The following MINDY1 variants were observed in gnomAD, a reference collection of about 807,000 sequenced individuals.
The protein encoded by MINDY1 is ubiquitin carboxyl-terminal hydrolase MINDY-1.
Under a neutral mutation model 53.6 loss-of-function variants are expected in MINDY1, and 50 were observed. The ratio of observed to expected loss-of-function variants is 0.93; its 90% confidence interval spans 0.74 to 1.18. The LOEUF is 1.18. Among genes scored for constraint, MINDY1 ranks in the 50% most tolerant of loss-of-function variants. The probability of loss-of-function intolerance (pLI) is 0.00; values close to 1 mark genes in which losing one functional copy is unlikely to be tolerated. For missense variants in MINDY1, 484 were observed against 578.6 expected (o/e 0.84, Z 1.68); for synonymous variants, 231 against 234.7 (o/e 0.98, Z 0.14).
At chr1:150,998,577 C>T (rs1672143457) in intron 7 of MINDY1, among the ~76,000 whole-genome samples, 1 of 152,158 alleles carries the variant, frequency 6.6e-6, no homozygotes, top group Admixed American at 6.5e-5. Flanking sequence ...AGGATGGCCT[C>T]GATCTCCTGA....
chr1:151,002,528 G>A lies in MINDY1; in HGVS notation c.90C>T (p.Gly30=). Residue 30 remains glycine, a synonymous_variant, in exon 2 of 10, where the codon GGC becomes GGT. Transcript: ENST00000683666. The surrounding 1 kb of genome is among the most constrained non-coding windows in gnomAD (Gnocchi z 4.1). ...CTGTGTCCTGAGGGTGCTCATCTGGGCCTGCCAGAACCTCATGGTTTTCAG... is the reference window on the plus strand; with the variant it reads ...CTGTGTCCTGAGGGTGCTCATCTGGACCTGCCAGAACCTCATGGTTTTCAG... The part of the protein sequence containing the change: ...VIPENHEVLA[G]PDEHPQDTDA... 2 of 1,614,180 alleles carry A rather than the reference G, an allele frequency of 1.2e-6. No homozygotes were observed. Among genetic ancestry groups the A allele is most frequent in the Non-Finnish European group, 1.7e-6 (2 of 1,180,026 alleles).
rs757324132 is a variant in MINDY1 at position 151,002,485 on chromosome 1, C to T, written c.133G>A (p.Gly45Arg). Residue 45 changes from glycine to arginine, a missense_variant, in exon 2 of 10, where the codon GGG (glycine) becomes AGG (arginine). Transcript: ENST00000683666. This position sits in a 1 kb window ranked among gnomAD's most constrained non-coding sequence, Gnocchi z 4.1. ...PQDTDARDAD[G>R]EAREREPADQ... ...GCTGGCTCCCGTTCTCTAGCCTCCC[C>T]ATCAGCATCTCTTGCATCTGTGTCC... 6.2e-7 allele frequency: 1 copy of T among 1,614,098 alleles called. No homozygotes were observed.
chr1:150,998,558 G>A (rs587742699), intron 7 of MINDY1, among the ~76,000 whole-genome samples: 17 of 152,260 alleles, frequency 1.1e-4, no homozygotes, highest in Middle Eastern at 3.4e-3. Context: ...GGGTTTCACC[G>A]TGTTAGCCAG....
In MINDY1 at chr1:150,999,997, A is replaced by T; in HGVS notation, c.736-33T>A. ...GGTAGTGGGATGTGGGATACCAAAA[A>T]AATTGGGATTTTTTTTTCTTTTTTA... On this transcript the variant is annotated intron_variant, in intron 5 of 9. Coordinates refer to ENST00000683666, the MANE Select transcript of MINDY1 (RefSeq NM_001376665.1). The surrounding 1 kb of genome is among the most constrained non-coding windows in gnomAD (Gnocchi z 4.4). The T allele has an allele frequency of 1.3e-6, 2 of 1,552,678 alleles. No homozygotes were observed. The highest frequency in any genetic ancestry group is 1.8e-6 in the Non-Finnish European group (2 of 1,127,744).
chr1:150,998,578 G>A (rs1038786197), intron 7 of MINDY1, among the ~76,000 whole-genome samples: 4 of 152,128 alleles, frequency 2.6e-5, no homozygotes, highest in African/African-American at 7.2e-5. Context: ...GGATGGCCTC[G>A]ATCTCCTGAC....
At chr1:151,007,172 T>C (rs960060093), upstream of MINDY1, among the ~76,000 whole-genome samples, 1 of 152,170 alleles carries the variant, frequency 6.6e-6, no homozygotes, top group African/African-American at 2.4e-5. Context: ...GAAATGAAAC[T>C]GGTTGGGTTG....
chr1:151,002,570 A>G lies in MINDY1; in HGVS notation c.48T>C (p.Thr16=). 6.2e-7 allele frequency: 1 copy of G among 1,614,214 alleles called. No individual in the cohort carries two copies. The highest frequency in any genetic ancestry group is 8.5e-7 in the Non-Finnish European group (1 of 1,180,030). ...PEDPAPGKAG[T]AEAVIPENHE... ...GGTTTTCAGGGATGACTGCTTCTGC[A>G]GTCCCGGCCTTACCAGGGGCTGGAT... The change falls in exon 2 of 10, where the codon ACT becomes ACC. Residue 16 remains threonine (T), a synonymous_variant. Coordinates refer to ENST00000683666, the MANE Select transcript of MINDY1 (RefSeq NM_001376665.1). This position sits in a 1 kb window ranked among gnomAD's most constrained non-coding sequence, Gnocchi z 4.1.
In MINDY1 at chr1:150,997,120, A is replaced by ACAC. The variant is rs1190880804; in HGVS notation, c.*166_*167insGTG. The ACAC allele has an allele frequency of 1.0e-5, 7 of 684,354 alleles. No homozygotes were observed. The highest frequency in any genetic ancestry group is 1.8e-5 in the African/African-American group (1 of 55,340). 42.4% of individuals were successfully genotyped at this position (684,354 alleles called of 1,614,324 possible). A position where few individuals can be genotyped will look rare whatever the true frequency, so the allele number is the denominator to read the frequency against. On this transcript the variant is annotated 3_prime_UTR_variant, in exon 10 of 10. Transcript: ENST00000683666. ...GAGGCAGAGAAGGCAGCAGCACGTG[A>ACAC]GGTCAAGGACATTACCAAGTCTGAC... is the stretch of plus-strand genomic sequence containing the variant.
Position 150,999,392 on chromosome 1 carries a change from AGT to A in MINDY1, c.956_957del (p.His319LeufsTer2). The A allele has an allele frequency of 6.2e-7, 1 of 1,614,106 alleles. No homozygotes were observed. The highest frequency in any genetic ancestry group is 1.1e-5 in the South Asian group (1 of 91,072). On this transcript the variant is annotated frameshift_variant, in exon 7 of 10. Transcript: ENST00000683666. LOFTEE classifies it high-confidence loss of function. This position sits in a 1 kb window ranked among gnomAD's most constrained non-coding sequence, Gnocchi z 4.4. ...GELSVFFRNN[H>X]FSTMTKHKSH... is the part of the protein sequence containing the mutation. ...ACCTTATGCTTAGTCATGGTGCTAA[AGT>A]GGTTGTTTCGGAAAAAGACGCTAAG...
chr1:151,004,244 T>C (rs1006066860), intron 1 of MINDY1, among the ~76,000 whole-genome samples: 1 of 152,114 alleles, frequency 6.6e-6, no homozygotes, highest in African/African-American at 2.4e-5. Flanking sequence ...ATTTTAGATG[T>C]GAACACCGGA....
Position 151,002,494 on chromosome 1 carries a change from C to G in MINDY1, c.124G>C (p.Asp42His). The G allele has an allele frequency of 1.2e-6, 2 of 1,614,216 alleles. No individual in the cohort carries two copies. Among genetic ancestry groups the G allele is most frequent in the Middle Eastern group, 1.6e-4 (1 of 6,062 alleles). ...DEHPQDTDAR[D>H]ADGEAREREP... ...CGTTCTCTAGCCTCCCCATCAGCAT[C>G]TCTTGCATCTGTGTCCTGAGGGTGC... is the stretch of plus-strand genomic sequence containing the variant. The change falls in exon 2 of 10, where the codon GAT becomes CAT. Residue 42 changes from aspartate to histidine, a missense_variant. Coordinates refer to ENST00000683666, the MANE Select transcript of MINDY1 (RefSeq NM_001376665.1). The surrounding 1 kb of genome is among the most constrained non-coding windows in gnomAD (Gnocchi z 4.1).
Position 150,997,899 on chromosome 1 carries a change from A to G in MINDY1, c.1174-120T>C, listed in dbSNP as rs1672027704. The G allele has an allele frequency of 5.0e-6, 6 of 1,207,816 alleles. No homozygotes were observed. In the South Asian group the frequency reaches 9.1e-5, roughly 18 times the overall value. The allele number at this position is 1,207,816 out of a possible 1,614,324, so 74.8% of individuals were successfully genotyped here. ...CTCTAGCTCTTTCTCCCCACAGAGC[A>G]GCACACACAGCCAAATGCATTATCT... is the stretch of plus-strand genomic sequence containing the variant. On this transcript the variant is annotated intron_variant, in intron 8 of 9. Transcript: ENST00000683666.
At chr1:151,005,314 C>T (rs1472092261) in intron 1 of MINDY1, among the ~76,000 whole-genome samples, 4 of 151,678 alleles carry the variant, frequency 2.6e-5, no homozygotes, top group Non-Finnish European at 5.9e-5. Context: ...TAGCCGGGCA[C>T]GGTGGCGGGC....
At position 151,001,248 on chromosome 1, in the gene MINDY1, A is replaced by G. The variant is rs1156380649; in HGVS notation, c.576+2T>C. The G allele has an allele frequency of 2.5e-6, 4 of 1,614,044 alleles. No individual in the cohort carries two copies. In the African/African-American group the frequency reaches 5.3e-5, roughly 22 times the overall value. On this transcript the variant is annotated splice_donor_variant, in intron 4 of 9. Transcript: ENST00000683666. LOFTEE classifies it high-confidence loss of function. ...CCTATGCCTGCAGACCTTTTGCCTC[A>G]CCTGCTGAAAATTAAGCTGAAGTCC... is the stretch of plus-strand genomic sequence containing the variant.
Position 151,006,496 on chromosome 1 carries a change from G to C in MINDY1, c.-274C>G. 6 of 1,053,052 alleles carry C rather than the reference G, an allele frequency of 5.7e-6. No individual in the cohort carries two copies. Among genetic ancestry groups the C allele is most frequent in the Non-Finnish European group, 6.9e-6 (6 of 870,310 alleles). 65.2% of individuals were successfully genotyped at this position (1,053,052 alleles called of 1,614,324 possible). On this transcript the variant is annotated 5_prime_UTR_variant, in exon 1 of 10. Transcript: ENST00000683666. ...TCCAGGCTGGGTTGTGGCCACTTCC[G>C]GACTCACGCCCAGTACTGGGGGCAC...
Position 151,002,427 on chromosome 1 carries a change from T to A in MINDY1, c.191A>T (p.Asp64Val), listed in dbSNP as rs1359214057. The A allele has an allele frequency of 1.9e-6, 3 of 1,614,018 alleles. No individual in the cohort carries two copies. The highest frequency in any genetic ancestry group is 2.5e-6 in the Non-Finnish European group (3 of 1,180,024). ...TTCAGGCAGAGGGGACTCAAGGTTG[T>A]CCCCACACTGGCTAGGCAGCAAAGC... The part of the protein sequence containing the change: ...DQALLPSQCG[D>V]NLESPLPEAS... Residue 64 changes from aspartate (D) to valine (V), a missense_variant, in exon 2 of 10, where the codon GAC (aspartate) becomes GTC (valine). Transcript: ENST00000683666. This position sits in a 1 kb window ranked among gnomAD's most constrained non-coding sequence, Gnocchi z 4.1.
intron 1 of MINDY1, among the ~76,000 whole-genome samples, chr1:151,004,150 C>T (rs1332072143): frequency 6.6e-6 from 1 of 151,400 alleles, no homozygotes; most frequent in Non-Finnish European, 1.5e-5. Context: ...CTTGAACTTC[C>T]GACCTCAGGT....
intron 4 of MINDY1, 72 bp downstream of exon 4, chr1:151,001,178 G>T: frequency 6.8e-7 from 1 of 1,473,102 alleles, no homozygotes; most frequent in Non-Finnish European, 9.5e-7. Context: ...AGCAACAAAA[G>T]CTTATCTTAG....
At position 150,997,350 on chromosome 1, in the gene MINDY1, A is replaced by C. The variant is rs762058839; in HGVS notation, c.1347T>G (p.Ser449=). 1 of 1,601,802 alleles carries C rather than the reference A, an allele frequency of 6.2e-7. No individual in the cohort carries two copies. Among genetic ancestry groups the C allele is most frequent in the Non-Finnish European group, 8.5e-7 (1 of 1,173,024 alleles). ...GCCGACGCTCCCCGGCTGGGCGTCC[A>C]GATGTGGCTCCTCTCCCCTGTATCG... ...VLSLQGRGAT[S]GRPAGERRQR... The change falls in exon 10 of 10, where the codon TCT becomes TCG. Residue 449 remains serine (S), a synonymous_variant. Transcript: ENST00000683666.
Sources: gnomAD v4.1 joint callset for allele counts (sites outside exome capture counted in the v4.1 genomes callset) on GRCh38, gnomAD v4.1.1 for gene constraint, Gnocchi (gnomAD v3.1) non-coding constraint, MANE v1.5 for transcripts, NCBI Gene and HGNC (gene_info 2026-07-23, HGNC 2026-07-21) for gene names.